The following DCAF12 variants were observed in gnomAD, a reference collection of about 807,000 sequenced individuals.
DCAF12 encodes the protein DDB1- and CUL4-associated factor 12.
A neutral mutation model predicts 52.8 loss-of-function variants in DCAF12; 28 were observed. The observed-to-expected ratio is 0.53, with a 90% CI of 0.39 to 0.73. The LOEUF is 0.73. Among genes scored for constraint, DCAF12 ranks in the 30% least tolerant of loss-of-function variants. DCAF12 has a pLI of 0.00. For missense variants in DCAF12, 425 were observed against 552.2 expected, an observed-to-expected ratio of 0.77 and a Z score of 2.31; for synonymous variants, 196 against 215.5, an observed-to-expected ratio of 0.91 and a Z score of 0.79.
At chr9:34,099,750 T>G (rs1347383513) in intron 4 of DCAF12, among the ~76,000 whole-genome samples, 2 of 150,608 alleles carry the variant, frequency 1.3e-5, no homozygotes, top group African/African-American at 4.9e-5. Context: ...CACGTCACCA[T>G]GCCCGGCTAA....
At chr9:34,093,599 T>G in intron 6 of DCAF12, 151 bp from the exon 7 acceptor site, 1 of 759,748 alleles carries the variant, frequency 1.3e-6, no homozygotes, top group East Asian at 2.7e-5. Flanking sequence ...GTTCCACCCC[T>G]AGGTATACAG....
intron 2 of DCAF12, among the ~76,000 whole-genome samples, chr9:34,120,623 T>C (rs574455354): frequency 6.9e-6 from 1 of 144,314 alleles, no homozygotes; most frequent in Admixed American, 7.2e-5. Flanking sequence ...TGAGCCAAGA[T>C]CGTGCCACTG....
intron 2 of DCAF12, among the ~76,000 whole-genome samples, chr9:34,112,823 G>A (rs755684555): frequency 7.2e-5 from 11 of 151,838 alleles, no homozygotes; most frequent in Non-Finnish European, 1.0e-4. Flanking sequence ...GCTTGAACCC[G>A]GGAGGCAGAG....
intron 2 of DCAF12, among the ~76,000 whole-genome samples, chr9:34,113,709 T>A (rs1470903303): frequency 6.6e-6 from 1 of 152,166 alleles, no homozygotes; most frequent in East Asian, 1.9e-4. Context: ...ACCCTAAAAC[T>A]CTTCCATTAG....
At chr9:34,089,974 A>C (rs1234795629) in intron 7 of DCAF12, 1 of 167,050 alleles carries the variant, frequency 6.0e-6, no homozygotes, top group Non-Finnish European at 1.3e-5. Flanking sequence ...CCTACACTGC[A>C]ACTCAAGGTA....
At chr9:34,092,454 G>A (rs1348722484) in intron 7 of DCAF12, among the ~76,000 whole-genome samples, 2 of 152,166 alleles carry the variant, frequency 1.3e-5, no homozygotes, top group African/African-American at 4.8e-5. Flanking sequence ...TTGGAAGGCC[G>A]AGGTGGGTGG....
At chr9:34,093,202 T>C (rs1239987873) in intron 7 of DCAF12, 84 bp downstream of exon 7, 11 of 1,533,942 alleles carry the variant, frequency 7.2e-6, no homozygotes, top group Middle Eastern at 4.3e-4. Flanking sequence ...GCACTATACC[T>C]GTTTGGAAAC....
At position 34,098,430 on chromosome 9, in the gene DCAF12, G is replaced by A; in HGVS notation, c.689C>T (p.Pro230Leu). The stretch of plus-strand genomic sequence containing the variant: ...CTTGTGAGTGATGTGTGCATACACA[G>A]GGACCCGTGACACATTGTGTCTCGC... ...SDARHNVSRV[P>L]VYAHITHKAL... is the part of the protein sequence containing the mutation. The change falls in exon 5 of 9, where the codon CCT (proline) becomes CTT (leucine). Residue 230 changes from proline (P) to leucine (L), a missense_variant. By Grantham distance (98) the Pro-to-Leu change is moderately conservative. Around this residue, in one of 3 missense-constraint regions of DCAF12, gnomAD observed 328 missense variants for 444.4 expected, o/e 0.74. Coordinates refer to ENST00000361264, the MANE Select transcript of DCAF12 (RefSeq NM_015397.4). 6.2e-7 allele frequency: 1 copy of A among 1,614,202 alleles called. No individual in the cohort carries two copies. Among genetic ancestry groups the A allele is most frequent in the Non-Finnish European group, 8.5e-7 (1 of 1,180,030 alleles).
chr9:34,122,217 C>T (rs975533150), intron 2 of DCAF12, among the ~76,000 whole-genome samples: 2 of 152,148 alleles, frequency 1.3e-5, no homozygotes, highest in Non-Finnish European at 2.9e-5. Flanking sequence ...AGAAAGTACA[C>T]ATATAATCAA....
intron 2 of DCAF12, among the ~76,000 whole-genome samples, chr9:34,120,505 T>C (rs979185343): frequency 2.0e-5 from 3 of 151,158 alleles, no homozygotes; most frequent in African/African-American, 7.3e-5. Flanking sequence ...ACCCCGTCTC[T>C]ACTAAAAATA....
Position 34,087,979 on chromosome 9 carries a change from G to A in DCAF12, c.*371C>T, listed in dbSNP as rs1166164806. On this transcript the variant is annotated 3_prime_UTR_variant, in exon 9 of 9. Coordinates refer to ENST00000361264, the MANE Select transcript of DCAF12 (RefSeq NM_015397.4). The stretch of plus-strand genomic sequence containing the variant: ...TCACAGAAAGTCTGAGAGCAACCAT[G>A]TAATTATAAAGGAGCCCTACCTCTC... 1 of 157,844 alleles carries A rather than the reference G, an allele frequency of 6.3e-6. No individual in the cohort carries two copies. Among genetic ancestry groups the A allele is most frequent in the African/African-American group, 2.5e-5 (1 of 40,296 alleles). The allele number at this position is 157,844 out of a possible 1,614,324, so 9.8% of individuals were successfully genotyped here.
chr9:34,100,487 C>T (rs1008781885), intron 4 of DCAF12, among the ~76,000 whole-genome samples: 1 of 150,206 alleles, frequency 6.7e-6, no homozygotes, highest in Non-Finnish European at 1.5e-5. Flanking sequence ...AGTGAGACAC[C>T]ACGCCCAGCT....
chr9:34,116,694 A>C (rs1829092686), intron 2 of DCAF12, among the ~76,000 whole-genome samples: 1 of 151,966 alleles, frequency 6.6e-6, no homozygotes, highest in Admixed American at 6.6e-5. Context: ...ATTAATAAAT[A>C]AATCCGGCCG....
At chr9:34,088,998 A>G (rs7875858) in intron 8 of DCAF12, among the ~76,000 whole-genome samples, 2 of 151,658 alleles carry the variant, frequency 1.3e-5, no homozygotes, top group African/African-American at 4.8e-5. Context: ...GGTCCCAGCT[A>G]CTTGGGAGGC....
chr9:34,110,783 C>CAACAAAACAAAACAA (rs55812352), intron 2 of DCAF12, among the ~76,000 whole-genome samples: 300 of 150,170 alleles, frequency 2.0e-3, no homozygotes, highest in South Asian at 3.6e-3. Context: ...GACCCTGCCT[C>CAACAAAACAAAACAA]AACAAAACAA....
chr9:34,095,822 A>G (rs1408919922), intron 6 of DCAF12: 1 of 152,160 alleles, frequency 6.6e-6, no homozygotes, highest in Non-Finnish European at 1.5e-5. Context: ...AAAGGTTCCT[A>G]ACACTCAGGA....
chr9:34,115,703 C>T (rs1829078381), intron 2 of DCAF12, among the ~76,000 whole-genome samples: 1 of 151,808 alleles, frequency 6.6e-6, no homozygotes. Context: ...GGAACTTACA[C>T]TGAGGAACTA....
At chr9:34,088,564 G>A (rs878875671) in intron 8 of DCAF12, 56 bp from the exon 9 acceptor site, 3 of 1,592,630 alleles carry the variant, frequency 1.9e-6, no homozygotes, top group African/African-American at 1.3e-5. Flanking sequence ...GCAGGAAAAG[G>A]GGGAGGAAGG....
chr9:34,094,747 G>C (rs1329601805), intron 6 of DCAF12, among the ~76,000 whole-genome samples: 6 of 151,786 alleles, frequency 4.0e-5, no homozygotes, highest in East Asian at 2.0e-4. Flanking sequence ...AGCCAGGATG[G>C]TCTCAATCTC....
Sources: gnomAD v4.1 joint callset for allele counts (sites outside exome capture counted in the v4.1 genomes callset) on GRCh38, gnomAD v4.1.1 for gene constraint, gnomAD v4.1.1 regional missense constraint, MANE v1.5 for transcripts, NCBI Gene and HGNC (gene_info 2026-07-23, HGNC 2026-07-21) for gene names.